RFTN2: variants seen among roughly 807,000 people sequenced by gnomAD.
The protein encoded by RFTN2 is raftlin-2.
RFTN2 carries 34 observed loss-of-function variants against 52.7 expected under a neutral mutation model. The observed-to-expected ratio is 0.64, with a 90% confidence interval of 0.49 to 0.86. The LOEUF (loss-of-function observed/expected upper bound fraction) is 0.86, where lower values mean the gene tolerates loss of function less well. Ranked by LOEUF, RFTN2 falls within the 40% of genes least tolerant of loss-of-function variation. The pLI, the probability that RFTN2 is intolerant of heterozygous loss-of-function variation, is 0.00. For synonymous variants in RFTN2, 203 were observed against 217.7 expected (o/e 0.93, Z 0.59); for missense variants, 536 against 600.1 (o/e 0.89, Z 1.12).
chr2:197,597,355 T>C (rs2087808111), intron 7 of RFTN2, among the ~76,000 whole-genome samples: 1 of 152,152 alleles, frequency 6.6e-6, no homozygotes, highest in Non-Finnish European at 1.5e-5. Context: ...GGGATTAGCA[T>C]GTGTACAGAA....
rs548579343 is a variant in RFTN2 at position 197,623,923 on chromosome 2, C to T, written c.929-6002G>A. Among the ~76,000 whole-genome samples the T allele has an allele frequency of 1.1e-3, 164 of 152,236 alleles. 1 individual carries two copies. The highest frequency in any genetic ancestry group is 2.0e-3 in the Non-Finnish European group (135 of 68,008). Reference sequence around the variant, plus strand: ...AAGTGATCCACCTGCCTCGGTCTCCCAAAGTGCTGGGATTACAGGTCTGAG... The same window carrying T: ...AAGTGATCCACCTGCCTCGGTCTCCTAAAGTGCTGGGATTACAGGTCTGAG... On this transcript the variant is annotated intron_variant, in intron 5 of 8. Transcript: ENST00000295049.
intron 5 of RFTN2, among the ~76,000 whole-genome samples, chr2:197,625,622 C>T (rs568941373): frequency 8.9e-4 from 135 of 150,862 alleles, no homozygotes; most frequent in African/African-American, 3.2e-3. Context: ...CCACTCTTGC[C>T]CTCTGTGATC....
At chr2:197,628,775 G>T (rs774329406) in intron 5 of RFTN2, among the ~76,000 whole-genome samples, 1 of 152,198 alleles carries the variant, frequency 6.6e-6, no homozygotes, top group Admixed American at 6.5e-5. Context: ...CATTCTGGGA[G>T]TCACTTTACA....
At chr2:197,579,660 C>T (rs1175334750) in intron 8 of RFTN2, among the ~76,000 whole-genome samples, 2 of 151,984 alleles carry the variant, frequency 1.3e-5, no homozygotes, top group Non-Finnish European at 2.9e-5. Flanking sequence ...CCCAAATCCT[C>T]CTTCTTTCCC....
At chr2:197,608,626 T>C (rs2088001265) in intron 7 of RFTN2, among the ~76,000 whole-genome samples, 1 of 30,542 alleles carries the variant, frequency 3.3e-5, no homozygotes, top group Admixed American at 3.8e-4. Flanking sequence ...GACCAGACTT[T>C]TTTTTTTTTT....
chr2:197,652,821 G>A (rs1332870919), intron 1 of RFTN2, among the ~76,000 whole-genome samples: 1 of 152,172 alleles, frequency 6.6e-6, no homozygotes, highest in African/African-American at 2.4e-5. Context: ...TAAAGTCTAA[G>A]TTCAAAACAC....
rs1309468241 is a variant in RFTN2 at position 197,572,107 on chromosome 2, G to A, written c.1407C>T (p.Asn469=). 2 of 1,614,266 alleles carry A rather than the reference G, an allele frequency of 1.2e-6. No homozygotes were observed. The highest frequency in any genetic ancestry group is 1.6e-4 in the Middle Eastern group (1 of 6,062). ...CACTGCTGCTGAACCCAGAGAAGCT[G>A]TTGTGCTGTGCCAGCCTTCCCTCCT... ...WTKEGRLAQH[N]SFSGFSSSDN... Residue 469 remains asparagine, a synonymous_variant, in exon 9 of 9, where the codon AAC becomes AAT. Coordinates refer to ENST00000295049, the MANE Select transcript of RFTN2 (RefSeq NM_144629.3).
At chr2:197,612,140 G>GT (rs1207438802) in intron 7 of RFTN2, among the ~76,000 whole-genome samples, 3 of 151,930 alleles carry the variant, frequency 2.0e-5, no homozygotes, top group Non-Finnish European at 2.9e-5. Flanking sequence ...TGAGGATGAG[G>GT]TTTTTTAATG....
At chr2:197,608,422 G>A (rs990991765) in intron 7 of RFTN2, among the ~76,000 whole-genome samples, 2 of 149,406 alleles carry the variant, frequency 1.3e-5, no homozygotes, top group Admixed American at 6.8e-5. Context: ...AGTGATTCTC[G>A]TGCCTCAGCC....
intron 8 of RFTN2, among the ~76,000 whole-genome samples, chr2:197,580,670 A>G (rs983390505): frequency 4.6e-5 from 7 of 152,118 alleles, no homozygotes; most frequent in Non-Finnish European, 1.0e-4. Flanking sequence ...AATTAAATCC[A>G]TCCTCTTCTT....
At chr2:197,640,761 C>T (rs942270285) in intron 3 of RFTN2, among the ~76,000 whole-genome samples, 1 of 152,220 alleles carries the variant, frequency 6.6e-6, no homozygotes, top group South Asian at 2.1e-4. Context: ...GCTCCTCCCC[C>T]AGGAATGCTT....
chr2:197,634,825 C>T (rs1440533994), intron 3 of RFTN2, among the ~76,000 whole-genome samples: 5 of 151,004 alleles, frequency 3.3e-5, no homozygotes, highest in East Asian at 1.9e-4. Context: ...CATGCTGGTG[C>T]GCTGCACCCC....
chr2:197,572,020 G>A lies in RFTN2; in HGVS notation c.1494C>T (p.Val498=). The A allele has an allele frequency of 2.5e-6, 4 of 1,614,138 alleles. No homozygotes were observed. Among genetic ancestry groups the A allele is most frequent in the Non-Finnish European group, 2.5e-6 (3 of 1,179,992 alleles). Reference sequence around the variant, plus strand: ...TTCACCTCATGGCTCACATACAAGTGACCTGAGTCACTCCATCTTCCTGAT... The same window carrying A: ...TTCACCTCATGGCTCACATACAAGTAACCTGAGTCACTCCATCTTCCTGAT... ...QFDQEDGVTQ[V]TCM Residue 498 remains valine, a synonymous_variant, in exon 9 of 9, where the codon GTC becomes GTT. Transcript: ENST00000295049.
chr2:197,666,248 C>A (rs1363536385), intron 1 of RFTN2, among the ~76,000 whole-genome samples: 1 of 152,110 alleles, frequency 6.6e-6, no homozygotes, highest in African/African-American at 2.4e-5. Context: ...CCATGCCTAG[C>A]TAATTTTTGT....
At chr2:197,608,362 C>T (rs950972156) in intron 7 of RFTN2, among the ~76,000 whole-genome samples, 2 of 147,628 alleles carry the variant, frequency 1.4e-5, no homozygotes, top group East Asian at 2.0e-4. Context: ...CCCAGGCTGG[C>T]GTGCAGTGGC....
At chr2:197,584,676 G>A (rs1441764105) in intron 8 of RFTN2, among the ~76,000 whole-genome samples, 1 of 152,114 alleles carries the variant, frequency 6.6e-6, no homozygotes, top group Non-Finnish European at 1.5e-5. Flanking sequence ...TAGACATGAG[G>A]ACTGGACAGT....
chr2:197,633,966 A>C lies in RFTN2; in HGVS notation c.470T>G (p.Phe157Cys), dbSNP rs780325878. Residue 157 changes from phenylalanine to cysteine, a missense_variant, in exon 4 of 9, where the codon TTT (phenylalanine) becomes TGT (cysteine). Phe to Cys is a radical substitution (Grantham distance 205). Transcript: ENST00000295049. Reference protein sequence around the residue: ...INVAAKRGMKFVGFISQHYSP... With the variant: ...INVAAKRGMKCVGFISQHYSP... ...ATAATGCTGTGATATGAATCCAACA[A>C]ATTTCATTCCTCTTTTAGCAGCGAC... The C allele has an allele frequency of 6.2e-7, 1 of 1,612,694 alleles. No individual in the cohort carries two copies. The highest frequency in any genetic ancestry group is 8.5e-7 in the Non-Finnish European group (1 of 1,179,232).
In RFTN2 at chr2:197,587,874, G is replaced by A. The variant is rs544225945; in HGVS notation, c.1233+8117C>T. ...GAAGTCTGAAGCCCAACTAGTTCTT[G>A]GAGATTATCTACTTCAGTCCCCTTA... On this transcript the variant is annotated intron_variant, in intron 8 of 8. Transcript: ENST00000295049. 22 of 381,250 alleles carry A rather than the reference G, an allele frequency of 5.8e-5. No homozygotes were observed. In the East Asian group the frequency reaches 1.1e-3, roughly 19 times the overall value. The allele number at this position is 381,250 out of a possible 1,614,324, so 23.6% of individuals were successfully genotyped here.
chr2:197,570,879 T>C lies in RFTN2; in HGVS notation c.*1129A>G, dbSNP rs1352355404. On this transcript the variant is annotated 3_prime_UTR_variant, in exon 9 of 9. Transcript: ENST00000295049. ...TAATAAAAATATATAATAGGCTGAA[T>C]TCATCAATGATAGAATAAGTTGTAA... is the stretch of plus-strand genomic sequence containing the variant. 1.3e-5 allele frequency: 2 copies of C among 152,260 alleles called. No individual in the cohort carries two copies. Among genetic ancestry groups the C allele is most frequent in the Non-Finnish European group, 2.9e-5 (2 of 68,040 alleles). 9.4% of individuals were successfully genotyped at this position (152,260 alleles called of 1,614,324 possible).
Sources: allele counts gnomAD v4.1 joint callset (sites outside exome capture counted in the v4.1 genomes callset), GRCh38; gene constraint gnomAD v4.1.1; transcripts MANE v1.5; gene names NCBI Gene and HGNC (gene_info 2026-07-23, HGNC 2026-07-21).